VCPKMT: variants seen among roughly 807,000 people sequenced by gnomAD.
The protein encoded by VCPKMT is valosin containing protein lysine methyltransferase.
In VCPKMT, 32 loss-of-function variants were observed where a neutral mutation model predicts 28.6. That is an observed-to-expected ratio of 1.12 (90% CI 0.84 to 1.50). The LOEUF is 1.50. Ranked by LOEUF, VCPKMT falls within the 40% of genes most tolerant of loss-of-function variation. The probability of loss-of-function intolerance (pLI) is 0.00; values close to 1 mark genes in which losing one functional copy is unlikely to be tolerated. For synonymous variants in VCPKMT, 138 were observed against 111.4 expected (o/e 1.24, Z -1.50); for missense variants, 366 against 285.0 (o/e 1.28, Z -2.05).
intron 5 of VCPKMT, among the ~76,000 whole-genome samples, chr14:50,112,358 C>A (rs1882733240): frequency 8.5e-6 from 1 of 117,116 alleles, no homozygotes; most frequent in Non-Finnish European, 1.6e-5. Flanking sequence ...CCAGTCTAGG[C>A]AACACGGTGA....
Position 50,116,378 on chromosome 14 carries a change from A to G in VCPKMT, c.175T>C (p.Ser59Pro), listed in dbSNP as rs140408138. 7.7e-4 allele frequency: 1,237 copies of G among 1,613,722 alleles called. 16 individuals carry two copies. The East Asian group carries it at 0.021, about 27-fold the overall frequency. The part of the protein sequence containing the change: ...LSKYLETPEF[S>P]GDGAHALSRR... The stretch of plus-strand genomic sequence containing the variant: ...CTCAGCGCGTGGGCCCCGTCGCCAG[A>G]AAACTCGGGCGTTTCCAGGTATTTA... The change falls in exon 1 of 6, where the codon TCT (serine) becomes CCT (proline). Residue 59 changes from serine to proline, a missense_variant. By Grantham distance (74) the Ser-to-Pro change is moderately conservative (BLOSUM62 -1). Coordinates refer to ENST00000395860, the MANE Select transcript of VCPKMT (RefSeq NM_024558.3).
rs1883144285 is a variant in VCPKMT, at chr14:50,115,922, C to A, written c.378-11G>T. Reference sequence around the variant, plus strand: ...TCTATTTCTTCCCCCCTTAAAAATGCCAAACAAATATTTCAATTGTTTTAA... The same window carrying A: ...TCTATTTCTTCCCCCCTTAAAAATGACAAACAAATATTTCAATTGTTTTAA... On this transcript the variant is annotated splice_polypyrimidine_tract_variant and intron_variant, in intron 2 of 5. Transcript: ENST00000395860. 1.9e-6 allele frequency: 3 copies of A among 1,612,822 alleles called. No homozygotes were observed. The highest frequency in any genetic ancestry group is 1.3e-5 in the African/African-American group (1 of 75,008).
In VCPKMT at chr14:50,108,682, C is replaced by T. The variant is rs1286747594; in HGVS notation, c.*1017G>A. 9.9e-5 allele frequency: 98 copies of T among 985,700 alleles called. No individual in the cohort carries two copies. The highest frequency in any genetic ancestry group is 1.2e-4 in the Non-Finnish European group (96 of 829,918). The allele number at this position is 985,700 out of a possible 1,614,324, so 61.1% of individuals were successfully genotyped here. ...TTAACACATAAAATGTACCATCTAG[C>T]ACCAATGCCTATAAATACCAGAATT... On this transcript the variant is annotated 3_prime_UTR_variant, in exon 6 of 6. Transcript: ENST00000395860.
rs1566811819 is a variant in VCPKMT, at chr14:50,116,450, A to G, written c.103T>C (p.Ser35Pro). ...GTVLRLQQYS[S>P]GGVGCVVWDA... ...CACACAACGCAACCCACGCCACCGG[A>G]GCTATACTGCTGTAGTCGTAGCACT... The change falls in exon 1 of 6, where the codon TCC becomes CCC. Residue 35 changes from serine to proline, a missense_variant. Coordinates refer to ENST00000395860, the MANE Select transcript of VCPKMT (RefSeq NM_024558.3). 1 of 1,613,912 alleles carries G rather than the reference A, an allele frequency of 6.2e-7. No homozygotes were observed. Among genetic ancestry groups the G allele is most frequent in the African/African-American group, 1.3e-5 (1 of 74,924 alleles).
downstream of VCPKMT, among the ~76,000 whole-genome samples, chr14:50,106,039 T>C (rs941862863): frequency 1.3e-5 from 2 of 151,954 alleles, no homozygotes; most frequent in Non-Finnish European, 2.9e-5. Flanking sequence ...TTGCTTTTTA[T>C]ATACTTTCTT....
chr14:50,108,037 C>A (rs1348742776), downstream of VCPKMT, among the ~76,000 whole-genome samples: 1 of 151,734 alleles, frequency 6.6e-6, no homozygotes, highest in East Asian at 1.9e-4. Context: ...AAAAATACAA[C>A]AAAGCTAGCC....
chr14:50,111,240 A>G (rs1451817115), intron 5 of VCPKMT: 1 of 985,180 alleles, frequency 1.0e-6, no homozygotes, highest in Non-Finnish European at 1.2e-6. Flanking sequence ...GCCTCCAAAA[A>G]ATTCTACTTT....
chr14:50,115,658 T>C (rs1340478117), intron 3 of VCPKMT, among the ~76,000 whole-genome samples, 181 bp downstream of exon 3: 1 of 152,194 alleles, frequency 6.6e-6, no homozygotes, highest in East Asian at 1.9e-4. Flanking sequence ...ACCAGGTCGG[T>C]ATGATAATGA....
rs767504553 is a variant in VCPKMT at position 50,108,702 on chromosome 14, A to G, written c.*997T>C. ...TCTAGCACCAATGCCTATAAATACC[A>G]GAATTCCATCCGGTTACTACTCTTT... is the stretch of plus-strand genomic sequence containing the variant. On this transcript the variant is annotated 3_prime_UTR_variant, in exon 6 of 6. Transcript: ENST00000395860. The G allele has an allele frequency of 2.7e-5, 27 of 985,878 alleles. No individual in the cohort carries two copies. Among genetic ancestry groups the G allele is most frequent in the Admixed American group, 6.1e-5 (1 of 16,288 alleles). 61.1% of individuals were successfully genotyped at this position (985,878 alleles called of 1,614,324 possible).
chr14:50,106,535 G>A, downstream of VCPKMT: 1 of 984,142 alleles, frequency 1.0e-6, no homozygotes, highest in Non-Finnish European at 1.2e-6. Flanking sequence ...CATTTCTCAG[G>A]CTGGCAGAGT....
chr14:50,114,209 T>A (rs1360447826), intron 4 of VCPKMT, 76 bp downstream of exon 4: 1 of 1,327,234 alleles, frequency 7.5e-7, no homozygotes, highest in African/African-American at 1.5e-5. Flanking sequence ...AAAATTACCA[T>A]AATATACTTG....
chr14:50,104,734 GAGA>G (rs1297209016), downstream of VCPKMT, among the ~76,000 whole-genome samples: 1 of 150,688 alleles, frequency 6.6e-6, no homozygotes, highest in African/African-American at 2.4e-5. Context: ...TAATTAAAAT[GAGA>G]AGTTTTAAGT....
chr14:50,107,230 C>T (rs1034711565), downstream of VCPKMT, among the ~76,000 whole-genome samples: 2 of 152,228 alleles, frequency 1.3e-5, no homozygotes, highest in African/African-American at 2.4e-5. Flanking sequence ...CTGGTCCTAA[C>T]CATCAGTGGT....
downstream of VCPKMT, among the ~76,000 whole-genome samples, chr14:50,107,680 G>A (rs1323121560): frequency 6.6e-6 from 1 of 152,178 alleles, no homozygotes; most frequent in Non-Finnish European, 1.5e-5. Context: ...GTATGCAAAT[G>A]ATTTATCAAG....
At chr14:50,116,011 G>C (rs1429467134) in intron 2 of VCPKMT, 58 bp downstream of exon 2, 1 of 1,591,648 alleles carries the variant, frequency 6.3e-7, no homozygotes, top group Non-Finnish European at 8.6e-7. Flanking sequence ...TTAATGAAAC[G>C]CAATTCAAAA....
rs1195952727 is a variant in VCPKMT, at chr14:50,109,680, G to T, written c.*19C>A. On this transcript the variant is annotated 3_prime_UTR_variant, in exon 6 of 6. Transcript: ENST00000395860. ...GTTTACCCAGGTTGTTAGAGCCTTG[G>T]GTAAGATGATTAAAGGCTTCACGAT... 1 of 1,599,630 alleles carries T rather than the reference G, an allele frequency of 6.3e-7. No individual in the cohort carries two copies. Among genetic ancestry groups the T allele is most frequent in the African/African-American group, 1.3e-5 (1 of 74,318 alleles).
intron 4 of VCPKMT, among the ~76,000 whole-genome samples, chr14:50,113,742 A>T (rs896908950): frequency 1.4e-5 from 2 of 139,684 alleles, no homozygotes; most frequent in Non-Finnish European, 1.5e-5. Flanking sequence ...AAAAAATACA[A>T]AAAGTTAGCC....
intron 2 of VCPKMT, 26 bp downstream of exon 2, chr14:50,116,042 TA>T (rs1161397110): frequency 2.8e-5 from 45 of 1,597,654 alleles, no homozygotes; most frequent in Non-Finnish European, 3.9e-5. Context: ...ATCAATATCT[TA>T]AAACAAGCTG....
rs753381627 is a variant in VCPKMT, at chr14:50,115,853, T to C, written c.436A>G (p.Ile146Val). The C allele has an allele frequency of 8.1e-6, 13 of 1,612,656 alleles. No homozygotes were observed. The highest frequency in any genetic ancestry group is 2.2e-5 in the East Asian group (1 of 44,822). Residue 146 changes from isoleucine to valine, a missense_variant, in exon 3 of 6, where the codon ATA (isoleucine) becomes GTA (valine). By Grantham distance (29) the Ile-to-Val change is conservative. Transcript: ENST00000395860. ...PPDFILMADCIYYEESLEPLL... is the reference protein window; with the variant it reads ...PPDFILMADCVYYEESLEPLL... ...TGGATACTTACCTCTTCATAGTATA[T>C]GCAGTCGGCCATCAGTATGAAGTCG...
Sources: allele counts gnomAD v4.1 joint callset (sites outside exome capture counted in the v4.1 genomes callset), GRCh38; gene constraint gnomAD v4.1.1; transcripts MANE v1.5; gene names NCBI Gene and HGNC (gene_info 2026-07-23, HGNC 2026-07-21).